The following SLC25A53 variants were observed in gnomAD, a reference collection of about 807,000 sequenced individuals.
The protein encoded by SLC25A53 is mitochondrial carrier triple repeat protein 6.
A neutral mutation model predicts 15.0 loss-of-function variants in SLC25A53; 5 were observed. The observed-to-expected ratio is 0.33, with a 90% CI of 0.17 to 0.70. SLC25A53 has a LOEUF of 0.70. SLC25A53 is among the 30% of genes least tolerant of loss of function. SLC25A53 has a pLI of 0.67. For missense variants in SLC25A53, 216 were observed against 241.6 expected (o/e 0.89, Z 0.70); for synonymous variants, 95 against 100.0 (o/e 0.95, Z 0.30).
rs1421194650 is a variant in SLC25A53 at position 104,103,029 on chromosome X, C to A, written c.*1305G>T. The A allele has an allele frequency of 9.2e-6, 1 of 108,946 alleles. No individual in the cohort carries two copies. Among genetic ancestry groups the A allele is most frequent in the African/African-American group, 3.4e-5 (1 of 29,699 alleles). 9.0% of individuals were successfully genotyped at this position (108,946 alleles called of 1,213,427 possible). A position where few individuals can be genotyped will look rare whatever the true frequency, so the allele number is the denominator to read the frequency against. ...GTGGGCGCCTGTAATTCCAGCTACT[C>A]GGGAGGCTGAGGCAGGAGAATCACT... On this transcript the variant is annotated 3_prime_UTR_variant, in exon 2 of 2. Coordinates refer to ENST00000594199, the MANE Select transcript of SLC25A53 (RefSeq NM_001012755.5).
chrX:104,150,055 A>G (rs1307029511), intron 1 of SLC25A53, among the ~76,000 whole-genome samples: 1 of 108,972 alleles, frequency 9.2e-6, no homozygotes, highest in African/African-American at 3.4e-5. Context: ...CAAGATGGCA[A>G]AACTCCATCT....
intron 1 of SLC25A53, among the ~76,000 whole-genome samples, chrX:104,154,142 T>A (rs902296395): frequency 2.7e-5 from 3 of 112,235 alleles, no homozygotes; most frequent in Non-Finnish European, 3.8e-5. Context: ...AATGACTAAG[T>A]AGCAAAAAGA....
At chrX:104,119,695 G>A (rs1253152792) in intron 1 of SLC25A53, among the ~76,000 whole-genome samples, 1 of 109,790 alleles carries the variant, frequency 9.1e-6, no homozygotes, top group African/African-American at 3.3e-5. Flanking sequence ...AGCGGGGGGC[G>A]GGGGGAGCAG....
At chrX:104,148,322 G>A (rs782672046) in intron 1 of SLC25A53, among the ~76,000 whole-genome samples, 8 of 108,603 alleles carry the variant, frequency 7.4e-5, no homozygotes, top group African/African-American at 2.7e-4. Flanking sequence ...GAGGGGGGAG[G>A]GATAGCATTA....
intron 1 of SLC25A53, among the ~76,000 whole-genome samples, chrX:104,117,396 C>A (rs1556361694): frequency 1.8e-5 from 2 of 111,472 alleles, no homozygotes; most frequent in Admixed American, 9.5e-5. Context: ...ACCACCTCCC[C>A]CTCCTCCGCA....
chrX:104,149,415 G>GT (rs2075478516), intron 1 of SLC25A53, among the ~76,000 whole-genome samples: 1 of 112,637 alleles, frequency 8.9e-6, no homozygotes, highest in South Asian at 3.6e-4. Flanking sequence ...GCTGGGGGCC[G>GT]TAATCCTTTA....
rs144116434 is a variant in SLC25A53, at chrX:104,115,271, A to T, written c.-31-9983T>A. The T allele has an allele frequency of 9.3e-4, 1,106 of 1,183,403 alleles. 8 individuals carry two copies. The East Asian group carries it at 0.024, about 25-fold the overall frequency. On this transcript the variant is annotated intron_variant, in intron 1 of 1. Coordinates refer to ENST00000594199, the MANE Select transcript of SLC25A53 (RefSeq NM_001012755.5). The stretch of plus-strand genomic sequence containing the variant: ...CTGCAGGAGCTGACACATACAGAGG[A>T]GAGGTCAAAAGAGGTCCCTGGAGAA...
At chrX:104,132,000 A>G (rs1001684511) in intron 1 of SLC25A53, among the ~76,000 whole-genome samples, 4 of 111,717 alleles carry the variant, frequency 3.6e-5, no homozygotes, top group Non-Finnish European at 3.8e-5. Flanking sequence ...CATCTCTCCT[A>G]TTATACTGAA....
intron 1 of SLC25A53, among the ~76,000 whole-genome samples, chrX:104,135,608 G>A (rs1222090137): frequency 4.5e-5 from 5 of 110,563 alleles, no homozygotes; most frequent in Non-Finnish European, 9.5e-5. Context: ...ATCCCCTCTA[G>A]CACAGACTCT....
chrX:104,114,920 A>T, intron 1 of SLC25A53: 1 of 1,199,852 alleles, frequency 8.3e-7, no homozygotes, highest in Non-Finnish European at 1.1e-6. Flanking sequence ...GAAATAGATG[A>T]TACCCTTGAT....
At chrX:104,144,868 G>T (rs1556368295) in intron 1 of SLC25A53, among the ~76,000 whole-genome samples, 2 of 111,151 alleles carry the variant, frequency 1.8e-5, no homozygotes, top group African/African-American at 6.6e-5. Context: ...ATAATAGTGG[G>T]AGACTTTAAC....
chrX:104,108,662 T>C (rs1331972458), intron 1 of SLC25A53, among the ~76,000 whole-genome samples: 1 of 111,491 alleles, frequency 9.0e-6, no homozygotes, highest in Non-Finnish European at 1.9e-5. Context: ...CCCTATGACC[T>C]GCCTCCTATG....
At chrX:104,141,270 G>A (rs1016307541) in intron 1 of SLC25A53, among the ~76,000 whole-genome samples, 2 of 110,986 alleles carry the variant, frequency 1.8e-5, no homozygotes, top group African/African-American at 3.3e-5. Flanking sequence ...CAGAAGCCTC[G>A]CAATCGCAGT....
At chrX:104,117,524 C>G (rs1003766041) in intron 1 of SLC25A53, among the ~76,000 whole-genome samples, 1 of 110,863 alleles carries the variant, frequency 9.0e-6, no homozygotes, top group African/African-American at 3.3e-5. Context: ...CCAAGAGACC[C>G]ACTTTTTGCA....
At chrX:104,113,828 C>G (rs935682796) in intron 1 of SLC25A53, 10 of 305,081 alleles carry the variant, frequency 3.3e-5, no homozygotes, top group Admixed American at 5.5e-5. Context: ...GGGACACCTG[C>G]TAGCTCTGGA....
intron 1 of SLC25A53, among the ~76,000 whole-genome samples, chrX:104,129,750 T>C (rs941221570): frequency 1.9e-5 from 2 of 107,340 alleles, no homozygotes; most frequent in African/African-American, 3.4e-5. Flanking sequence ...TATATATGTA[T>C]ATATATATAA....
intron 1 of SLC25A53, among the ~76,000 whole-genome samples, chrX:104,146,119 C>T (rs985691319): frequency 1.1e-4 from 12 of 111,790 alleles, no homozygotes; most frequent in East Asian, 5.6e-4. Flanking sequence ...ACAATCAAGT[C>T]GGCTTCATCC....
At chrX:104,154,507 G>A (rs2075494586) in intron 1 of SLC25A53, among the ~76,000 whole-genome samples, 1 of 112,397 alleles carries the variant, frequency 8.9e-6, no homozygotes, top group African/African-American at 3.2e-5. Flanking sequence ...TTTGAAATCA[G>A]TATGTCGAAG....
intron 1 of SLC25A53, among the ~76,000 whole-genome samples, chrX:104,105,614 C>A (rs1415795899): frequency 8.9e-6 from 1 of 112,498 alleles, no homozygotes; most frequent in Non-Finnish European, 1.9e-5. Context: ...CATCAACTTT[C>A]ACGACATGAA....
Sources: gnomAD v4.1 joint callset for allele counts (sites outside exome capture counted in the v4.1 genomes callset) on GRCh38, gnomAD v4.1.1 for gene constraint, MANE v1.5 for transcripts, NCBI Gene and HGNC (gene_info 2026-07-23, HGNC 2026-07-21) for gene names.